ABCG1: variants seen among roughly 807,000 people sequenced by gnomAD.
ABCG1 encodes ATP binding cassette subfamily G member 1, also known as ATP-binding cassette sub-family G member 1.
ABCG1 carries 29 observed loss-of-function variants against 69.2 expected under a neutral mutation model. That is an observed-to-expected ratio of 0.42 (90% CI 0.31 to 0.57). The LOEUF (loss-of-function observed/expected upper bound fraction) is 0.57. Ranked by LOEUF, ABCG1 falls within the 20% of genes least tolerant of loss-of-function variation. ABCG1 has a pLI of 0.15. For synonymous variants in ABCG1, 370 were observed against 374.8 expected (o/e 0.99, Z 0.15); for missense variants, 718 against 898.1 (o/e 0.80, Z 2.56).
At position 42,282,333 on chromosome 21, in the gene ABCG1, C is replaced by T. The variant is rs763659748; in HGVS notation, c.648C>T (p.Ser216=). 3.1e-6 allele frequency: 5 copies of T among 1,613,524 alleles called. No individual in the cohort carries two copies. Residue 216 remains serine, a synonymous_variant, in exon 6 of 15, where the codon AGC becomes AGT. Coordinates refer to ENST00000398449, the MANE Select transcript of ABCG1 (RefSeq NM_016818.3). ...CTTGCGCCAACACGCGGACCGGGAGCCTGTCAGGTGGTCAGCGCAAGCGCC... is the reference window on the plus strand; with the variant it reads ...CTTGCGCCAACACGCGGACCGGGAGTCTGTCAGGTGGTCAGCGCAAGCGCC... The part of the protein sequence containing the change: ...LLSCANTRTG[S]LSGGQRKRLA...
rs189865159 is a variant in ABCG1 at position 42,289,599 on chromosome 21, G to A, written c.1225-451G>A. Among the ~76,000 whole-genome samples, 205 of 152,256 alleles carry A rather than the reference G, an allele frequency of 1.3e-3. 2 individuals carry two copies. Among genetic ancestry groups the A allele is most frequent in the South Asian group, 5.0e-3 (24 of 4,816 alleles). ...ACAATCTGGCCACCTACTTAGGAGC[G>A]GCTGAATGCCTGGCATGGCTTCTGG... is the stretch of plus-strand genomic sequence containing the variant. On this transcript the variant is annotated intron_variant, in intron 10 of 14. Transcript: ENST00000398449.
At chr21:42,204,771 C>T (rs887197590) in intron 2 of ABCG1, among the ~76,000 whole-genome samples, 4 of 152,070 alleles carry the variant, frequency 2.6e-5, no homozygotes, top group Non-Finnish European at 2.9e-5. Flanking sequence ...ACTAAGGCCT[C>T]GAACTCCTGG....
At chr21:42,229,515 C>T (rs2067869720) in intron 2 of ABCG1, among the ~76,000 whole-genome samples, 2 of 151,888 alleles carry the variant, frequency 1.3e-5, no homozygotes, top group Admixed American at 1.3e-4. Context: ...GTCAGGAGTT[C>T]GAGACCAGCC....
At chr21:42,254,368 A>G (rs2123660820) in intron 2 of ABCG1, among the ~76,000 whole-genome samples, 1 of 152,306 alleles carries the variant, frequency 6.6e-6, no homozygotes, top group Non-Finnish European at 1.5e-5. Context: ...TTCCTGCCCC[A>G]CACTCACTGA....
intron 2 of ABCG1, among the ~76,000 whole-genome samples, chr21:42,230,978 G>A (rs2067893052): frequency 6.6e-6 from 1 of 152,216 alleles, no homozygotes; most frequent in African/African-American, 2.4e-5. Flanking sequence ...CTCTGACGTG[G>A]GCACAGGACT....
chr21:42,260,829 C>CT (rs1191060375), intron 2 of ABCG1, among the ~76,000 whole-genome samples: 6,651 of 147,528 alleles, frequency 0.045, 267 homozygotes, highest in African/African-American at 0.1. Flanking sequence ...CTCCCATTTT[C>CT]TTTTTTTTTT....
Position 42,225,811 on chromosome 21 carries a change from G to A in ABCG1, c.183G>A (p.Thr61=), listed in dbSNP as rs763046609. 9.0e-5 allele frequency: 145 copies of A among 1,613,816 alleles called. No homozygotes were observed. The highest frequency in any genetic ancestry group is 1.1e-4 in the Non-Finnish European group (130 of 1,179,996). ...GHLKKVDNNL[T]EAQRFSSLPR... is the part of the protein sequence containing the mutation. ...TGAAAAAAGTAGATAATAACCTCAC[G>A]GAAGCCCAGCGCTTCTCCTCCTTGC... Residue 61 remains threonine (T), a synonymous_variant, in exon 2 of 15, where the codon ACG becomes ACA. Coordinates refer to ENST00000398449, the MANE Select transcript of ABCG1 (RefSeq NM_016818.3).
At chr21:42,243,814 C>CTTTTTT (rs11402831) in intron 2 of ABCG1, among the ~76,000 whole-genome samples, 30 of 94,226 alleles carry the variant, frequency 3.2e-4, no homozygotes, top group African/African-American at 4.4e-4. Flanking sequence ...TTATCTTTGG[C>CTTTTTT]TTTTTTTTTT....
intron 4 of ABCG1, among the ~76,000 whole-genome samples, chr21:42,275,604 T>A (rs1243039247): frequency 6.6e-6 from 1 of 152,198 alleles, no homozygotes; most frequent in Non-Finnish European, 1.5e-5. Context: ...CTCGAGACCC[T>A]TCACTGGGAC....
chr21:42,232,925 G>C (rs561565259), intron 2 of ABCG1, among the ~76,000 whole-genome samples: 1 of 152,276 alleles, frequency 6.6e-6, no homozygotes, highest in South Asian at 2.1e-4. Context: ...AAACCATGTG[G>C]GTCAGATTAA....
rs777925695 is a variant in ABCG1, at chr21:42,287,893, G to T, written c.978G>T (p.Met326Ile). ...CCCCGTCTGTGTCTCCTGCAGTCAT[G>T]GAGGTTGCATCCGGCGAGTACGGTG... is the stretch of plus-strand genomic sequence containing the variant. ...PTYHNPADFVMEVASGEYGDQ... is the reference protein window; with the variant it reads ...PTYHNPADFVIEVASGEYGDQ... The change falls in exon 9 of 15, where the codon ATG becomes ATT. Residue 326 changes from methionine to isoleucine, a missense_variant. Physicochemically the swap from Met to Ile is conservative, Grantham distance 10. Around this residue, in one of 2 missense-constraint regions of ABCG1, gnomAD observed 514 missense variants for 574.3 expected, o/e 0.90. Transcript: ENST00000398449. This position sits in a 1 kb window ranked among gnomAD's most constrained non-coding sequence, Gnocchi z 6.2. The T allele has an allele frequency of 6.3e-7, 1 of 1,583,262 alleles. No individual in the cohort carries two copies. The highest frequency in any genetic ancestry group is 8.6e-7 in the Non-Finnish European group (1 of 1,161,966).
chr21:42,233,273 G>A (rs2067927227), intron 2 of ABCG1, among the ~76,000 whole-genome samples: 1 of 152,182 alleles, frequency 6.6e-6, no homozygotes, highest in East Asian at 1.9e-4. Context: ...CTTCAGGGCT[G>A]TGATTACATC....
chr21:42,225,990 C>A, intron 2 of ABCG1, 76 bp downstream of exon 2: 2 of 1,549,782 alleles, frequency 1.3e-6, no homozygotes, highest in South Asian at 1.2e-5. Flanking sequence ...TGGGCAAAAT[C>A]GGGGTCTGGA....
intron 2 of ABCG1, among the ~76,000 whole-genome samples, chr21:42,232,742 C>T (rs956003400): frequency 7.9e-5 from 12 of 152,330 alleles, no homozygotes; most frequent in Admixed American, 5.9e-4. Flanking sequence ...GAGGCCCTCC[C>T]TATAAACCAG....
upstream of ABCG1, among the ~76,000 whole-genome samples, chr21:42,214,220 A>G (rs1041028296): frequency 6.6e-6 from 1 of 152,170 alleles, no homozygotes; most frequent in Non-Finnish European, 1.5e-5. Context: ...TGCCTCATGA[A>G]TAGGGTGGAG....
chr21:42,247,058 C>G lies in ABCG1; in HGVS notation c.286+21144C>G, dbSNP rs553492272. ...GGTAAGGTATATGAACTATTATAAA[C>G]TTCCCAGAAACAATTTCTAGCTGGT... On this transcript the variant is annotated intron_variant, in intron 2 of 14. Coordinates refer to ENST00000398449, the MANE Select transcript of ABCG1 (RefSeq NM_016818.3). 1.4e-4 allele frequency among the ~76,000 whole-genome samples: 22 copies of G among 152,274 alleles called. No individual in the cohort carries two copies. The South Asian group carries it at 4.4e-3, about 30-fold the overall frequency.
At chr21:42,284,381 C>T (rs1435805783) in intron 6 of ABCG1, among the ~76,000 whole-genome samples, 179 bp from the exon 7 acceptor site, 1 of 152,168 alleles carries the variant, frequency 6.6e-6, no homozygotes, top group African/African-American at 2.4e-5. Flanking sequence ...TGCTGTGTGC[C>T]CTGCCACTGA....
chr21:42,281,776 T>C (rs1453094409), intron 5 of ABCG1, among the ~76,000 whole-genome samples: 1 of 152,206 alleles, frequency 6.6e-6, no homozygotes, highest in African/African-American at 2.4e-5. Flanking sequence ...ACGGACTCCA[T>C]GCTGCTCTGT....
Position 42,276,528 on chromosome 21 carries a change from C to T in ABCG1, c.538-367C>T. On this transcript the variant is annotated intron_variant, in intron 4 of 14. Transcript: ENST00000398449. This position sits in a 1 kb window ranked among gnomAD's most constrained non-coding sequence, Gnocchi z 5.3. ...CGCACATGGACTGCTCTCCTGCCAT[C>T]CTACCATTGTTAAAGCAGGGGCATC... The T allele has an allele frequency of 3.9e-6, 1 of 254,926 alleles. No individual in the cohort carries two copies. Among genetic ancestry groups the T allele is most frequent in the Admixed American group, 5.0e-5 (1 of 19,856 alleles). The allele number at this position is 254,926 out of a possible 1,614,324, so 15.8% of individuals were successfully genotyped here.
Sources: allele counts gnomAD v4.1 joint callset (sites outside exome capture counted in the v4.1 genomes callset), GRCh38; gene constraint gnomAD v4.1.1; regional missense constraint gnomAD v4.1.1; non-coding constraint Gnocchi (gnomAD v3.1); transcripts MANE v1.5; gene names NCBI Gene and HGNC (gene_info 2026-07-23, HGNC 2026-07-21).